MAF: variants seen among roughly 807,000 people sequenced by gnomAD.
The protein encoded by MAF is transcription factor Maf.
A neutral mutation model predicts 22.0 loss-of-function variants in MAF; 10 were observed. The ratio of observed to expected loss-of-function variants is 0.45; its 90% confidence interval spans 0.28 to 0.77. MAF has a LOEUF of 0.77. Among genes scored for constraint, MAF ranks in the 30% least tolerant of loss-of-function variants. MAF has a pLI of 0.12. For synonymous variants in MAF, 337 were observed against 255.8 expected (o/e 1.32, Z -3.03); for missense variants, 544 against 548.4 (o/e 0.99, Z 0.08).
chr16:79,203,184 A>G, the MAF span: 1 of 152,236 alleles, frequency 6.6e-6, no homozygotes, highest in Admixed American at 6.5e-5. Flanking sequence ...CTCTCTGTGT[A>G]AAGGCAGTGC....
At chr16:79,566,391 T>C in the MAF span, among the ~76,000 whole-genome samples, 1 of 152,180 alleles carries the variant, frequency 6.6e-6, no homozygotes, top group Non-Finnish European at 1.5e-5. Context: ...GAGTGGGGAC[T>C]GTACTGCAAG....
the MAF span, among the ~76,000 whole-genome samples, chr16:79,343,246 C>G: frequency 3.3e-5 from 5 of 152,000 alleles, no homozygotes; most frequent in Non-Finnish European, 5.9e-5. Flanking sequence ...CAACCCCCCC[C>G]CAAAAAAATC....
the MAF span, among the ~76,000 whole-genome samples, chr16:79,541,477 GAA>G: frequency 5.5e-5 from 8 of 145,194 alleles, no homozygotes; most frequent in African/African-American, 2.0e-4. Flanking sequence ...CAAACCACCA[GAA>G]AAAAAAAAAA....
the MAF span, among the ~76,000 whole-genome samples, chr16:79,328,575 G>A: frequency 6.6e-6 from 1 of 152,212 alleles, no homozygotes; most frequent in African/African-American, 2.4e-5. Context: ...TCTCTTCAGA[G>A]CCTAAAATCC....
At chr16:79,513,386 A>G in the MAF span, among the ~76,000 whole-genome samples, 3 of 152,256 alleles carry the variant, frequency 2.0e-5, no homozygotes, top group Non-Finnish European at 4.4e-5. Context: ...CATGAGAACA[A>G]TGAAAGAGAA....
At chr16:79,259,068 C>G in the MAF span, among the ~76,000 whole-genome samples, 1 of 152,176 alleles carries the variant, frequency 6.6e-6, no homozygotes. Context: ...ACAACCATCC[C>G]CTAAACCCCA....
At chr16:79,490,630 A>G in the MAF span, among the ~76,000 whole-genome samples, 1 of 152,206 alleles carries the variant, frequency 6.6e-6, no homozygotes, top group Non-Finnish European at 1.5e-5. Context: ...ACACACTCAC[A>G]CATGCATAAA....
chr16:79,263,494 C>T, the MAF span, among the ~76,000 whole-genome samples: 53 of 152,312 alleles, frequency 3.5e-4, no homozygotes, highest in South Asian at 9.9e-3. Context: ...AAAGGGGTGG[C>T]GCTCAGGCAG....
the MAF span, among the ~76,000 whole-genome samples, chr16:79,309,899 T>G: frequency 6.6e-6 from 1 of 152,246 alleles, no homozygotes; most frequent in Non-Finnish European, 1.5e-5. Flanking sequence ...TCTCAGTGGC[T>G]GCTTTAACTC....
At chr16:79,245,120 G>A in the MAF span, among the ~76,000 whole-genome samples, 1 of 151,914 alleles carries the variant, frequency 6.6e-6, no homozygotes, top group African/African-American at 2.4e-5. Context: ...AACCCTAGAA[G>A]AAAACCCAGG....
At chr16:79,452,777 C>T in the MAF span, among the ~76,000 whole-genome samples, 1 of 152,134 alleles carries the variant, frequency 6.6e-6, no homozygotes, top group Admixed American at 6.5e-5. Flanking sequence ...CCATAAAACC[C>T]TCCCTGCTCA....
At chr16:79,208,321 C>T in the MAF span, among the ~76,000 whole-genome samples, 1 of 152,060 alleles carries the variant, frequency 6.6e-6, no homozygotes, top group Non-Finnish European at 1.5e-5. Flanking sequence ...GACACCTCCC[C>T]CGTTTCCCAT....
the MAF span, among the ~76,000 whole-genome samples, chr16:79,514,607 G>A: frequency 6.6e-6 from 1 of 152,160 alleles, no homozygotes; most frequent in Non-Finnish European, 1.5e-5. Context: ...AATTTAGGCT[G>A]TAGTGGCAGA....
At chr16:79,332,680 C>A in the MAF span, among the ~76,000 whole-genome samples, 1 of 152,204 alleles carries the variant, frequency 6.6e-6, no homozygotes, top group African/African-American at 2.4e-5. Flanking sequence ...CTTCTTGAAT[C>A]CTTACAGCAA....
chr16:79,226,415 C>A, the MAF span, among the ~76,000 whole-genome samples: 626 of 151,446 alleles, frequency 4.1e-3, 2 homozygotes, highest in Admixed American at 5.6e-3. Flanking sequence ...CATTAGGAGA[C>A]ATACCTAATG....
At chr16:79,506,890 C>G in the MAF span, among the ~76,000 whole-genome samples, 1 of 152,018 alleles carries the variant, frequency 6.6e-6, no homozygotes, top group Non-Finnish European at 1.5e-5. Context: ...TGGGAATGGA[C>G]AAAAATAAAG....
chr16:79,376,696 G>C, the MAF span, among the ~76,000 whole-genome samples: 1 of 151,950 alleles, frequency 6.6e-6, no homozygotes, highest in East Asian at 1.9e-4. Context: ...CCCTACAACA[G>C]GCCCTGGTGT....
At chr16:79,327,045 A>G in the MAF span, among the ~76,000 whole-genome samples, 1 of 152,260 alleles carries the variant, frequency 6.6e-6, no homozygotes, top group Admixed American at 6.5e-5. Context: ...CACAGTCTGC[A>G]TACTGAACTA....
chr16:79,407,217 T>A, the MAF span, among the ~76,000 whole-genome samples: 1 of 152,126 alleles, frequency 6.6e-6, no homozygotes, highest in Non-Finnish European at 1.5e-5. Flanking sequence ...AACCTCGGTG[T>A]CCTGGACGCG....
Sources: allele counts gnomAD v4.1 joint callset (sites outside exome capture counted in the v4.1 genomes callset), GRCh38; gene constraint gnomAD v4.1.1; transcripts MANE v1.5; gene names NCBI Gene and HGNC (gene_info 2026-07-23, HGNC 2026-07-21).